The following SPAG9 variants were observed in gnomAD, a reference collection of about 807,000 sequenced individuals.
SPAG9 encodes the protein sperm associated antigen 9, also known as C-Jun-amino-terminal kinase-interacting protein 4.
A neutral mutation model predicts 166.5 loss-of-function variants in SPAG9; 35 were observed. The ratio of observed to expected loss-of-function variants is 0.21; its 90% CI spans 0.16 to 0.28. The LOEUF is 0.28. Among genes scored for constraint, SPAG9 ranks in the 10% least tolerant of loss-of-function variants. The pLI, the probability that SPAG9 is intolerant of heterozygous loss-of-function variation, is 1.00. For missense variants in SPAG9, 1,235 were observed against 1,603.3 expected, an observed-to-expected ratio of 0.77 and a Z score of 3.92; for synonymous variants, 534 against 565.5, an observed-to-expected ratio of 0.94 and a Z score of 0.79.
At chr17:50,980,192 AT>A (rs1309526556) in intron 25 of SPAG9, among the ~76,000 whole-genome samples, 3 of 151,684 alleles carry the variant, frequency 2.0e-5, no homozygotes, top group African/African-American at 4.8e-5. Flanking sequence ...CAACAGAAAG[AT>A]TTTTTTTATT....
chr17:51,053,854 A>AAATATAT (rs1491529465), intron 3 of SPAG9, among the ~76,000 whole-genome samples: 39 of 34,422 alleles, frequency 1.1e-3, no homozygotes, highest in Admixed American at 2.4e-3. Flanking sequence ...AAAAAAAAAA[A>AAATATAT]GTATATATAT....
chr17:50,996,754 T>G, intron 15 of SPAG9, 60 bp from the exon 16 acceptor site: 1 of 1,550,674 alleles, frequency 6.4e-7, no homozygotes, highest in Non-Finnish European at 8.8e-7. Flanking sequence ...TTATCCCCAG[T>G]TTTATCTCTC....
chr17:51,077,871 G>A (rs946214300), intron 2 of SPAG9, among the ~76,000 whole-genome samples: 2 of 151,884 alleles, frequency 1.3e-5, no homozygotes, highest in Admixed American at 6.6e-5. Context: ...GGCTGGTCTC[G>A]AAACCCTGAG....
At chr17:50,971,085 G>A (rs1167557332) in intron 28 of SPAG9, among the ~76,000 whole-genome samples, 1 of 152,124 alleles carries the variant, frequency 6.6e-6, no homozygotes, top group Non-Finnish European at 1.5e-5. Context: ...GGCCGAAGTG[G>A]GAGAATCACT....
chr17:50,975,859 T>G (rs1974167901), intron 27 of SPAG9: 1 of 1,535,286 alleles, frequency 6.5e-7, no homozygotes, highest in Non-Finnish European at 8.7e-7. Context: ...GAATCTGCAC[T>G]TACCCCTCAG....
chr17:51,038,910 T>C (rs1048867468), intron 5 of SPAG9, among the ~76,000 whole-genome samples: 43 of 152,226 alleles, frequency 2.8e-4, no homozygotes, highest in African/African-American at 9.9e-4. Flanking sequence ...TTTTAAGAAC[T>C]TGTACATTTT....
intron 1 of SPAG9, among the ~76,000 whole-genome samples, chr17:51,105,665 C>T (rs371210923): frequency 1.3e-5 from 2 of 151,422 alleles, no homozygotes; most frequent in Non-Finnish European, 2.9e-5. Flanking sequence ...GTCAGGAGAT[C>T]GAGGCCATCC....
chr17:51,077,596 C>T (rs1057316580), intron 2 of SPAG9, among the ~76,000 whole-genome samples: 7 of 152,048 alleles, frequency 4.6e-5, no homozygotes, highest in Non-Finnish European at 8.8e-5. Flanking sequence ...GACTACAGTA[C>T]TATATCTATT....
rs1160336768 is a variant in SPAG9 at position 51,012,569 on chromosome 17, C to CA, written c.1213+1662dup. Among the ~76,000 whole-genome samples, 335 of 129,588 alleles carry CA rather than the reference C, an allele frequency of 2.6e-3. 1 individual carries two copies. Among genetic ancestry groups the CA allele is most frequent in the African/African-American group, 3.0e-3 (104 of 35,192 alleles). The allele number at this position is 129,588 out of a possible 152,430, so 85.0% of individuals were successfully genotyped here. A position where few individuals can be genotyped will look rare whatever the true frequency, so the allele number is the denominator to read the frequency against. On this transcript the variant is annotated intron_variant, in intron 9 of 29. Coordinates refer to ENST00000262013, the MANE Select transcript of SPAG9 (RefSeq NM_001130528.3). Reference sequence around the variant, plus strand: ...TGGGCAAAAGAGTGAGACTATGTCTCAAAAAAAAAAAAGAATTACAACTTT... The same window carrying CA: ...TGGGCAAAAGAGTGAGACTATGTCTCAAAAAAAAAAAAAGAATTACAACTTT...
At position 50,974,788 on chromosome 17, in the gene SPAG9, A is replaced by C. The variant is rs374120718; in HGVS notation, c.3683T>G (p.Phe1228Cys). The C allele has an allele frequency of 1.3e-6, 2 of 1,599,672 alleles. No homozygotes were observed. The highest frequency in any genetic ancestry group is 1.7e-6 in the Non-Finnish European group (2 of 1,176,362). Residue 1228 changes from phenylalanine to cysteine, a missense_variant, in exon 28 of 30, where the codon TTC becomes TGC. By Grantham distance (205) the Phe-to-Cys change is radical. Transcript: ENST00000262013. Reference sequence around the variant, plus strand: ...TAACATACCTGGGACTGCCACAAAGAATTTCACAGCATCCCGGTGCCCATG... The same window carrying C: ...TAACATACCTGGGACTGCCACAAAGCATTTCACAGCATCCCGGTGCCCATG... ...CFHGHRDAVK[F>C]FVAVPGQVIS...
At chr17:51,038,673 G>A (rs556238550) in intron 5 of SPAG9, among the ~76,000 whole-genome samples, 11 of 151,958 alleles carry the variant, frequency 7.2e-5, no homozygotes, top group South Asian at 2.1e-4. Context: ...TCCTCAACAC[G>A]TACTCCTCCA....
chr17:51,041,231 T>C (rs775911108), intron 5 of SPAG9, among the ~76,000 whole-genome samples: 8 of 152,216 alleles, frequency 5.3e-5, no homozygotes, highest in African/African-American at 1.7e-4. Flanking sequence ...TAAACTCATA[T>C]AGCCTAAATC....
intron 1 of SPAG9, among the ~76,000 whole-genome samples, chr17:51,107,871 C>T (rs2048999133): frequency 6.7e-6 from 1 of 149,566 alleles, no homozygotes; most frequent in African/African-American, 2.5e-5. Context: ...GCTCTGATTG[C>T]AACACTGCTC....
In SPAG9 at chr17:51,074,478, G is replaced by A. The variant is rs528688732; in HGVS notation, c.424+5106C>T. 3.3e-5 allele frequency among the ~76,000 whole-genome samples: 5 copies of A among 152,290 alleles called. No homozygotes were observed. The East Asian group carries it at 7.7e-4, about 24-fold the overall frequency. ...GTTATCAACTTCGTGCATCTGAACG[G>A]TCAATTTTGATTAACCACAGTTTGT... On this transcript the variant is annotated intron_variant, in intron 2 of 29. Transcript: ENST00000262013.
intron 4 of SPAG9, among the ~76,000 whole-genome samples, chr17:51,043,485 C>A (rs1374060167): frequency 6.6e-6 from 1 of 152,070 alleles, no homozygotes; most frequent in Admixed American, 6.5e-5. Context: ...TTTTCTTCTT[C>A]TTTGATTTTA....
At chr17:51,071,648 G>T (rs1275185756) in intron 2 of SPAG9, among the ~76,000 whole-genome samples, 1 of 152,188 alleles carries the variant, frequency 6.6e-6, no homozygotes, top group Non-Finnish European at 1.5e-5. Context: ...CATGCAACAT[G>T]ATAGATTCCA....
At chr17:51,082,026 C>T (rs772822018) in intron 1 of SPAG9, among the ~76,000 whole-genome samples, 1 of 152,186 alleles carries the variant, frequency 6.6e-6, no homozygotes, top group Non-Finnish European at 1.5e-5. Flanking sequence ...ACTTCCTTCA[C>T]ATCTTTGTTC....
chr17:51,096,054 G>GATAT lies in SPAG9; in HGVS notation c.304-16354_304-16351dup, dbSNP rs1205885218. Among the ~76,000 whole-genome samples the GATAT allele has an allele frequency of 9.3e-4, 126 of 135,608 alleles. 1 individual carries two copies. The highest frequency in any genetic ancestry group is 4.0e-3 in the Middle Eastern group (1 of 252). 89.0% of individuals were successfully genotyped at this position (135,608 alleles called of 152,430 possible). ...ATATATAGTGATATATATATATAGT[G>GATAT]ATATATATATATATATAAAGTGGTT... is the stretch of plus-strand genomic sequence containing the variant. On this transcript the variant is annotated intron_variant, in intron 1 of 29. Coordinates refer to ENST00000262013, the MANE Select transcript of SPAG9 (RefSeq NM_001130528.3).
intron 29 of SPAG9, among the ~76,000 whole-genome samples, chr17:50,968,659 AGG>A (rs1270905343): frequency 3.3e-5 from 5 of 152,198 alleles, no homozygotes; most frequent in African/African-American, 1.2e-4. Context: ...TGAAACCGGG[AGG>A]TGGAGGTTGC....
Sources: gnomAD v4.1 joint callset for allele counts (sites outside exome capture counted in the v4.1 genomes callset) on GRCh38, gnomAD v4.1.1 for gene constraint, MANE v1.5 for transcripts, NCBI Gene and HGNC (gene_info 2026-07-23, HGNC 2026-07-21) for gene names.